Variants in PTDSS2 observed in about 807,000 individuals in gnomAD.
PTDSS2 encodes PSS-2.
PTDSS2 carries 41 observed loss-of-function variants against 64.7 expected under a neutral mutation model. The observed-to-expected ratio is 0.63, with a 90% CI of 0.49 to 0.82. The LOEUF (loss-of-function observed/expected upper bound fraction) is 0.82, where lower values mean the gene tolerates loss of function less well. Among genes scored for constraint, PTDSS2 ranks in the 40% least tolerant of loss-of-function variants. PTDSS2 has a pLI of 0.00. For missense variants in PTDSS2, 485 were observed against 650.0 expected (o/e 0.75, Z 2.76); for synonymous variants, 297 against 277.8 (o/e 1.07, Z -0.69).
At position 462,654 on chromosome 11, in the gene PTDSS2, A is replaced by G. The variant is rs975734381; in HGVS notation, c.284+2366A>G. Among the ~76,000 whole-genome samples, 1 of 152,020 alleles carries G rather than the reference A, an allele frequency of 6.6e-6. No homozygotes were observed. Among genetic ancestry groups the G allele is most frequent in the Non-Finnish European group, 1.5e-5 (1 of 67,990 alleles). ...GCCGTGGTGCACCTGTCCTGAGTCC[A>G]TTCTCATGGCCTGGACCCGCACTGC... On this transcript the variant is annotated intron_variant, in intron 2 of 11. Coordinates refer to ENST00000308020, the MANE Select transcript of PTDSS2 (RefSeq NM_030783.3). This position sits in a 1 kb window ranked among gnomAD's most constrained non-coding sequence, Gnocchi z 4.5.
chr11:469,442 T>C (rs1847312108), intron 2 of PTDSS2, among the ~76,000 whole-genome samples: 1 of 116,220 alleles, frequency 8.6e-6, no homozygotes, highest in African/African-American at 3.8e-5. Context: ...GGGCAGTCTC[T>C]GGGTAATCGG....
At chr11:473,783 C>T in intron 2 of PTDSS2, 112 bp from the exon 3 acceptor site, 1 of 852,200 alleles carries the variant, frequency 1.2e-6, no homozygotes, top group Admixed American at 1.8e-5. Context: ...TTCCTCCCGC[C>T]CCAGCATCAG....
chr11:449,301 C>G (rs1846218569), upstream of PTDSS2, among the ~76,000 whole-genome samples: 1 of 152,214 alleles, frequency 6.6e-6, no homozygotes, highest in African/African-American at 2.4e-5. Flanking sequence ...CTCCTGACCT[C>G]AAGTCATCCG....
chr11:484,653 G>A (rs754387978), intron 4 of PTDSS2, among the ~76,000 whole-genome samples: 12 of 150,370 alleles, frequency 8.0e-5, no homozygotes, highest in Non-Finnish European at 1.3e-4. Context: ...TGTGCTCACT[G>A]TGTGCACAGG....
Position 476,987 on chromosome 11 carries a change from A to G in PTDSS2, c.368-2098A>G, listed in dbSNP as rs940825881. Among the ~76,000 whole-genome samples the G allele has an allele frequency of 4.6e-5, 7 of 152,146 alleles. No individual in the cohort carries two copies. The highest frequency in any genetic ancestry group is 8.8e-5 in the Non-Finnish European group (6 of 68,022). On this transcript the variant is annotated intron_variant, in intron 3 of 11. Transcript: ENST00000308020. This position sits in a 1 kb window ranked among gnomAD's most constrained non-coding sequence, Gnocchi z 4.9. ...GCAGTCACAACACATTGAAGTGGAC[A>G]AGTGATGAGTCCTGTGCAGCGGAGG...
intron 4 of PTDSS2, among the ~76,000 whole-genome samples, chr11:481,963 C>T (rs1342690491): frequency 6.6e-6 from 1 of 151,436 alleles, no homozygotes; most frequent in Non-Finnish European, 1.5e-5. Context: ...CTGCCTCAGC[C>T]TCCCGAGTAG....
chr11:479,014 C>G lies in PTDSS2; in HGVS notation c.368-71C>G. The G allele has an allele frequency of 7.6e-7, 1 of 1,310,144 alleles. No individual in the cohort carries two copies. Among genetic ancestry groups the G allele is most frequent in the Non-Finnish European group, 1.1e-6 (1 of 905,960 alleles). 81.2% of individuals were successfully genotyped at this position (1,310,144 alleles called of 1,614,324 possible). On this transcript the variant is annotated intron_variant, in intron 3 of 11. Transcript: ENST00000308020. This position sits in a 1 kb window ranked among gnomAD's most constrained non-coding sequence, Gnocchi z 4.2. ...CACTGGGTGTGAAGGAGCCAGGAGCCGGCCTGGGGCTGAGCGGGGCCGTGG... is the reference window on the plus strand; with the variant it reads ...CACTGGGTGTGAAGGAGCCAGGAGCGGGCCTGGGGCTGAGCGGGGCCGTGG...
In PTDSS2 at chr11:450,502, C is replaced by G; in HGVS notation, c.47C>G (p.Ser16Cys). 2.4e-6 allele frequency: 3 copies of G among 1,238,012 alleles called. No homozygotes were observed. The highest frequency in any genetic ancestry group is 3.0e-6 in the Non-Finnish European group (3 of 984,682). 76.7% of individuals were successfully genotyped at this position (1,238,012 alleles called of 1,614,324 possible). Residue 16 changes from serine (S) to cysteine (C), a missense_variant, in exon 1 of 12, where the codon TCC becomes TGC. Transcript: ENST00000308020. ...GACGCCGGAGGTCCGCGGCCCGAGT[C>G]CCCGGTGCCCGCGGGCAGGGCCTCG... ...RRDAGGPRPE[S>C]PVPAGRASLE...
At chr11:488,336 G>A (rs1440452917) in intron 7 of PTDSS2, 24 bp downstream of exon 7, 3 of 1,580,866 alleles carry the variant, frequency 1.9e-6, no homozygotes, top group Middle Eastern at 1.7e-4. Context: ...CAGCCCCCGG[G>A]GCAGTCGGTG....
rs1791421478 is a variant in PTDSS2 at position 450,306 on chromosome 11, CG to C, written c.-148del. The stretch of plus-strand genomic sequence containing the variant: ...AATGCACCGCACACCCTTTACTGGC[CG>C]GCCCCGCGCTGCTCTCCTAAGACCC... On this transcript the variant is annotated 5_prime_UTR_variant, in exon 1 of 12. The change creates a premature stop within an existing upstream ORF in the 5' untranslated region. Coordinates refer to ENST00000308020, the MANE Select transcript of PTDSS2 (RefSeq NM_030783.3). 2 of 563,404 alleles carry C rather than the reference CG, an allele frequency of 3.5e-6. No homozygotes were observed. The highest frequency in any genetic ancestry group is 9.1e-5 in the Admixed American group (2 of 22,062). The allele number at this position is 563,404 out of a possible 1,614,324, so 34.9% of individuals were successfully genotyped here. A position where few individuals can be genotyped will look rare whatever the true frequency, so the allele number is the denominator to read the frequency against.
At position 489,748 on chromosome 11, in the gene PTDSS2, A is replaced by C. The variant is rs1848579189; in HGVS notation, c.1115+15A>C. ...ATGGATGACCCGTGAGGGCTGCGGC[A>C]GTCCGGGTGGAGACACCCCCGGGGG... On this transcript the variant is annotated intron_variant, in intron 10 of 11. Transcript: ENST00000308020. 6.2e-7 allele frequency: 1 copy of C among 1,605,486 alleles called. No individual in the cohort carries two copies. Among genetic ancestry groups the C allele is most frequent in the Non-Finnish European group, 8.5e-7 (1 of 1,176,122 alleles).
In PTDSS2 at chr11:462,937, G is replaced by A. The variant is rs1846959159; in HGVS notation, c.284+2649G>A. ...TCATCCCAGCACTTTGGGAGGCTGA[G>A]GCGGGCAGATCACGAGGTCAAGAGA... is the stretch of plus-strand genomic sequence containing the variant. On this transcript the variant is annotated intron_variant, in intron 2 of 11. Coordinates refer to ENST00000308020, the MANE Select transcript of PTDSS2 (RefSeq NM_030783.3). This position sits in a 1 kb window ranked among gnomAD's most constrained non-coding sequence, Gnocchi z 4.5. The A allele has an allele frequency of 6.6e-6, 1 of 152,250 alleles. No individual in the cohort carries two copies. Among genetic ancestry groups the A allele is most frequent in the Admixed American group, 6.5e-5 (1 of 15,288 alleles). 9.4% of individuals were successfully genotyped at this position (152,250 alleles called of 1,614,324 possible).
intron 3 of PTDSS2, among the ~76,000 whole-genome samples, chr11:475,670 C>T (rs1474869966): frequency 6.6e-6 from 1 of 152,080 alleles, no homozygotes; most frequent in Non-Finnish European, 1.5e-5. Context: ...TTAGTCATTT[C>T]CTTACTAATT....
intron 1 of PTDSS2, among the ~76,000 whole-genome samples, chr11:456,386 G>A (rs189630007): frequency 2.6e-4 from 39 of 148,398 alleles, no homozygotes; most frequent in Middle Eastern, 3.5e-3. Context: ...TATGTTTCCC[G>A]AGCTGGTCTC....
chr11:464,895 A>G (rs936348562), intron 2 of PTDSS2, among the ~76,000 whole-genome samples: 15 of 152,230 alleles, frequency 9.9e-5, no homozygotes, highest in Non-Finnish European at 2.1e-4. Context: ...GCATATAAAT[A>G]TACTCACAGT....
upstream of PTDSS2, among the ~76,000 whole-genome samples, chr11:449,922 C>G (rs200540011): frequency 1.7e-4 from 26 of 152,278 alleles, no homozygotes; most frequent in East Asian, 4.8e-3. Flanking sequence ...CACTCCAGCT[C>G]GGGCGGCAGT....
chr11:486,794 GC>G (rs1848412212), intron 4 of PTDSS2, 144 bp from the exon 5 acceptor site: 1 of 1,040,384 alleles, frequency 9.6e-7, no homozygotes, highest in South Asian at 2.1e-5. Flanking sequence ...CTTGCAGTGA[GC>G]CCAGTTCACG....
In PTDSS2 at chr11:460,588, G is replaced by A. The variant is rs545379401; in HGVS notation, c.284+300G>A. 8.6e-5 allele frequency: 30 copies of A among 347,284 alleles called. No homozygotes were observed. Among genetic ancestry groups the A allele is most frequent in the African/African-American group, 5.0e-4 (24 of 47,998 alleles). 21.5% of individuals were successfully genotyped at this position (347,284 alleles called of 1,614,324 possible). On this transcript the variant is annotated intron_variant, in intron 2 of 11. Coordinates refer to ENST00000308020, the MANE Select transcript of PTDSS2 (RefSeq NM_030783.3). This position sits in a 1 kb window ranked among gnomAD's most constrained non-coding sequence, Gnocchi z 5.8. ...GAGTTTTGCATGTTGAGGTTGGAAC[G>A]AGCTGCAGCAGCTACAGGGCTGAGC...
In PTDSS2 at chr11:466,510, C is replaced by T. The variant is rs190541732; in HGVS notation, c.284+6222C>T. On this transcript the variant is annotated intron_variant, in intron 2 of 11. Transcript: ENST00000308020. ...GCAACCTCCGCTTCCTGGGTTCAAG[C>T]GATTCTCCTGCTTCAGCCTCCCGAG... Among the ~76,000 whole-genome samples the T allele has an allele frequency of 8.9e-3, 1,346 of 150,568 alleles. 23 individuals carry two copies. The highest frequency in any genetic ancestry group is 0.031 in the African/African-American group (1,266 of 40,916).
Sources: gnomAD v4.1 joint callset for allele counts (sites outside exome capture counted in the v4.1 genomes callset) on GRCh38, gnomAD v4.1.1 for gene constraint, Gnocchi (gnomAD v3.1) non-coding constraint, MANE v1.5 for transcripts, NCBI Gene and HGNC (gene_info 2026-07-23, HGNC 2026-07-21) for gene names.